RAPGEF2: variants seen among roughly 807,000 people sequenced by gnomAD.
RAPGEF2 encodes Rap guanine nucleotide exchange factor 2.
Under a neutral mutation model 186.7 loss-of-function variants are expected in RAPGEF2, and 54 were observed. The observed-to-expected ratio is 0.29, with a 90% CI of 0.23 to 0.36. RAPGEF2 has a LOEUF of 0.36. Ranked by LOEUF, RAPGEF2 falls within the 10% of genes least tolerant of loss-of-function variation. The pLI, the probability that RAPGEF2 is intolerant of heterozygous loss-of-function variation, is 1.00. For synonymous variants in RAPGEF2, 712 were observed against 705.9 expected (o/e 1.01, Z -0.14); for missense variants, 1,532 against 2,045.0 (o/e 0.75, Z 4.84).
chr4:159,131,097 TGAGAGAGAGAGAGAGAGAGA>T (rs10596468), intron 1 of RAPGEF2, among the ~76,000 whole-genome samples: 84 of 148,216 alleles, frequency 5.7e-4, no homozygotes, highest in African/African-American at 2.0e-3. Context: ...TGTGTGTGTG[TGAGAGAGAGAGAGAGAGAGA>T]GAGAGAGAGA....
chr4:159,195,988 A>T (rs1443147365), intron 3 of RAPGEF2, among the ~76,000 whole-genome samples: 1 of 145,252 alleles, frequency 6.9e-6, no homozygotes, highest in Non-Finnish European at 1.5e-5. Flanking sequence ...CTTAAATTTG[A>T]ATGCATTCCA....
At chr4:159,108,346 G>A (rs181772857) in intron 1 of RAPGEF2, among the ~76,000 whole-genome samples, 12 of 149,084 alleles carry the variant, frequency 8.0e-5, no homozygotes, top group African/African-American at 2.5e-4. Flanking sequence ...TAATGCAGTC[G>A]CAGTCATTCC....
chr4:159,246,499 C>T (rs1754643660), intron 7 of RAPGEF2, among the ~76,000 whole-genome samples: 1 of 152,000 alleles, frequency 6.6e-6, no homozygotes, highest in South Asian at 2.1e-4. Flanking sequence ...TAAGATATAA[C>T]CATTCCTAGG....
At chr4:159,200,501 AT>A (rs1248335737) in intron 3 of RAPGEF2, among the ~76,000 whole-genome samples, 4 of 152,126 alleles carry the variant, frequency 2.6e-5, no homozygotes, top group African/African-American at 9.7e-5. Context: ...AATGAAAAAA[AT>A]GATAACATTA....
At chr4:159,162,926 A>G (rs978222456) in intron 1 of RAPGEF2, among the ~76,000 whole-genome samples, 2 of 152,150 alleles carry the variant, frequency 1.3e-5, no homozygotes, top group African/African-American at 4.8e-5. Flanking sequence ...GAAGAAATAG[A>G]TGAAATACCA....
Position 159,343,498 on chromosome 4 carries a change from T to A in RAPGEF2, c.3254+94T>A, listed in dbSNP as rs755659205. The A allele has an allele frequency of 1.5e-4, 228 of 1,498,718 alleles. 1 individual carries two copies. Among genetic ancestry groups the A allele is most frequent in the Non-Finnish European group, 2.0e-4 (219 of 1,101,716 alleles). 92.8% of individuals were successfully genotyped at this position (1,498,718 alleles called of 1,614,324 possible). A position where few individuals can be genotyped will look rare whatever the true frequency, so the allele number is the denominator to read the frequency against. Reference sequence around the variant, plus strand: ...GATTTTTTTAAAGTTTGAGTATTTATATTTGTAGTACGGCAGAAATTATAG... The same window carrying A: ...GATTTTTTTAAAGTTTGAGTATTTAAATTTGTAGTACGGCAGAAATTATAG... On this transcript the variant is annotated intron_variant, in intron 22 of 29. Coordinates refer to ENST00000691494, the MANE Select transcript of RAPGEF2 (RefSeq NM_001394067.2).
At chr4:159,130,175 G>T (rs947389010) in intron 1 of RAPGEF2, among the ~76,000 whole-genome samples, 36 of 152,158 alleles carry the variant, frequency 2.4e-4, no homozygotes, top group Admixed American at 1.8e-3. Flanking sequence ...GGTCACTTTT[G>T]TTGTCATCTT....
At chr4:159,198,258 T>C (rs1291823772) in intron 3 of RAPGEF2, among the ~76,000 whole-genome samples, 1 of 108,844 alleles carries the variant, frequency 9.2e-6, no homozygotes, top group African/African-American at 4.0e-5. Context: ...CTTTCTTTCT[T>C]TCTCTTTCTT....
intron 1 of RAPGEF2, among the ~76,000 whole-genome samples, chr4:159,115,639 T>G (rs1459305133): frequency 6.6e-6 from 1 of 152,146 alleles, no homozygotes; most frequent in Non-Finnish European, 1.5e-5. Context: ...AGGGAATATT[T>G]GGTCAAATTG....
chr4:159,295,072 C>T (rs927641232), intron 7 of RAPGEF2, among the ~76,000 whole-genome samples: 14 of 152,140 alleles, frequency 9.2e-5, no homozygotes, highest in African/African-American at 3.1e-4. Context: ...AAGTATGAAA[C>T]GTTCAGCGTA....
intron 9 of RAPGEF2, among the ~76,000 whole-genome samples, chr4:159,318,298 CTT>C (rs1764842074): frequency 6.6e-6 from 1 of 152,176 alleles, no homozygotes; most frequent in Non-Finnish European, 1.5e-5. Context: ...CTGTTTAGCT[CTT>C]GTTAAATGCA....
At chr4:159,194,683 C>CT (rs112080018) in intron 3 of RAPGEF2, among the ~76,000 whole-genome samples, 16,843 of 151,042 alleles carry the variant, frequency 0.11, 1,809 homozygotes, top group African/African-American at 0.28. Flanking sequence ...AGTTTTTGTC[C>CT]TTTTTTTTTA....
At chr4:159,355,658 A>T (rs1011797133) in intron 28 of RAPGEF2, among the ~76,000 whole-genome samples, 195 bp from the exon 29 acceptor site, 1 of 152,190 alleles carries the variant, frequency 6.6e-6, no homozygotes, top group African/African-American at 2.4e-5. Context: ...CCACACAAAG[A>T]TAACATCATT....
intron 7 of RAPGEF2, among the ~76,000 whole-genome samples, chr4:159,270,815 GATAATACTAAGATGA>G (rs1190328946): frequency 6.6e-6 from 1 of 152,108 alleles, no homozygotes; most frequent in Admixed American, 6.6e-5. Flanking sequence ...GTGGTTGATT[GATAATACTAAGATGA>G]ATACCCATGT....
chr4:159,133,653 G>A (rs539356532), intron 1 of RAPGEF2, among the ~76,000 whole-genome samples: 69 of 145,730 alleles, frequency 4.7e-4, no homozygotes, highest in Admixed American at 2.8e-3. Flanking sequence ...GCATGATCTC[G>A]GCTCACTGCA....
intron 1 of RAPGEF2, among the ~76,000 whole-genome samples, chr4:159,115,984 C>G (rs866195511): frequency 6.6e-6 from 1 of 152,096 alleles, no homozygotes; most frequent in Non-Finnish European, 1.5e-5. Flanking sequence ...TATAAAAACC[C>G]TAGAAGAAAA....
chr4:159,357,381 G>A (rs983040146), intron 29 of RAPGEF2, among the ~76,000 whole-genome samples: 1 of 152,038 alleles, frequency 6.6e-6, no homozygotes, highest in African/African-American at 2.4e-5. Context: ...AGAGAGAGAA[G>A]GGGAGGGAGA....
intron 1 of RAPGEF2, among the ~76,000 whole-genome samples, chr4:159,171,700 A>C (rs1381678005): frequency 1.3e-5 from 2 of 152,028 alleles, no homozygotes; most frequent in Admixed American, 6.6e-5. Context: ...TTTTTTAAGA[A>C]TCTTTCATGG....
rs1436010913 is a variant in RAPGEF2 at position 159,339,298 on chromosome 4, A to G, written c.2478A>G (p.Gln826=). 6.2e-7 allele frequency: 1 copy of G among 1,614,172 alleles called. No homozygotes were observed. The highest frequency in any genetic ancestry group is 1.3e-5 in the African/African-American group (1 of 75,050). Reference sequence around the variant, plus strand: ...TCACACCTGAGGGAGTAATCAAACAAAGAAGACTTCCAGATCAGCTTTCCA... The same window carrying G: ...TCACACCTGAGGGAGTAATCAAACAGAGAAGACTTCCAGATCAGCTTTCCA... ...VSVTPEGVIK[Q]RRLPDQLSKL... The change falls in exon 19 of 30, where the codon CAA becomes CAG. Residue 826 remains glutamine (Q), a synonymous_variant. Coordinates refer to ENST00000691494, the MANE Select transcript of RAPGEF2 (RefSeq NM_001394067.2).
Sources: gnomAD v4.1 joint callset for allele counts (sites outside exome capture counted in the v4.1 genomes callset) on GRCh38, gnomAD v4.1.1 for gene constraint, MANE v1.5 for transcripts, NCBI Gene and HGNC (gene_info 2026-07-23, HGNC 2026-07-21) for gene names.